The following CREB3L2 variants were observed in gnomAD, a reference collection of about 807,000 sequenced individuals.
CREB3L2 encodes cyclic AMP-responsive element-binding protein 3-like protein 2.
Under a neutral mutation model 57.2 loss-of-function variants are expected in CREB3L2, and 23 were observed. The ratio of observed to expected loss-of-function variants is 0.40; its 90% CI spans 0.29 to 0.57. The LOEUF is 0.57. CREB3L2 is among the 20% of genes least tolerant of loss of function. The pLI is 0.42. For missense variants in CREB3L2, 628 were observed against 634.7 expected (o/e 0.99, Z 0.11); for synonymous variants, 268 against 265.1 (o/e 1.01, Z -0.11).
intron 8 of CREB3L2, among the ~76,000 whole-genome samples, chr7:137,889,087 T>C (rs1406999131): frequency 6.6e-6 from 1 of 151,992 alleles, no homozygotes; most frequent in Non-Finnish European, 1.5e-5. Context: ...AGAGCATGAA[T>C]AGCTTTAAAA....
At chr7:137,950,641 G>A (rs181250034) in intron 1 of CREB3L2, among the ~76,000 whole-genome samples, 80 of 152,250 alleles carry the variant, frequency 5.3e-4, no homozygotes, top group African/African-American at 1.8e-3. Flanking sequence ...GTATGCATCC[G>A]AAGGTGAGCC....
At chr7:137,975,632 A>G (rs996569494) in intron 1 of CREB3L2, among the ~76,000 whole-genome samples, 1 of 152,180 alleles carries the variant, frequency 6.6e-6, no homozygotes, top group Non-Finnish European at 1.5e-5. Flanking sequence ...AGCACACGGC[A>G]TACTTCTCCT....
At chr7:137,941,551 G>A (rs1173320709) in intron 1 of CREB3L2, among the ~76,000 whole-genome samples, 1 of 152,204 alleles carries the variant, frequency 6.6e-6, no homozygotes, top group African/African-American at 2.4e-5. Context: ...TTTGAGGCCT[G>A]CTCAGGACAG....
At chr7:137,889,214 A>T (rs1295346151) in intron 8 of CREB3L2, among the ~76,000 whole-genome samples, 1 of 152,120 alleles carries the variant, frequency 6.6e-6, no homozygotes, top group Non-Finnish European at 1.5e-5. Context: ...TGCCTCCTGA[A>T]AACAGACTTT....
intron 1 of CREB3L2, among the ~76,000 whole-genome samples, chr7:137,986,868 C>G (rs1801800855): frequency 2.0e-5 from 3 of 152,244 alleles, no homozygotes; most frequent in Non-Finnish European, 1.5e-5. Flanking sequence ...AGCTACGTTT[C>G]TGCCCCTCTC....
At chr7:137,954,953 C>A (rs908433923) in intron 1 of CREB3L2, among the ~76,000 whole-genome samples, 1 of 152,154 alleles carries the variant, frequency 6.6e-6, no homozygotes, top group African/African-American at 2.4e-5. Flanking sequence ...AGAACCCAGA[C>A]CCAAGAAACC....
Position 137,971,449 on chromosome 7 carries a change from C to CAA in CREB3L2, c.102+30153_102+30154dup, listed in dbSNP as rs34602691. ...TGGGCATCAGAGCGAGACTCCGTCT[C>CAA]AAAAAAAAAAAAAAAATTTTGGATG... On this transcript the variant is annotated intron_variant, in intron 1 of 11. Coordinates refer to ENST00000330387, the MANE Select transcript of CREB3L2 (RefSeq NM_194071.4). 1.0e-3 allele frequency among the ~76,000 whole-genome samples: 137 copies of CAA among 135,984 alleles called. 1 individual carries two copies. The highest frequency in any genetic ancestry group is 8.4e-3 in the East Asian group (40 of 4,772). The allele number at this position is 135,984 out of a possible 152,430, so 89.2% of individuals were successfully genotyped here.
chr7:137,876,885 C>T lies in CREB3L2; in HGVS notation c.*3591G>A, dbSNP rs1799167651. On this transcript the variant is annotated 3_prime_UTR_variant, in exon 12 of 12. Coordinates refer to ENST00000330387, the MANE Select transcript of CREB3L2 (RefSeq NM_194071.4). ...TGTTGGCAAGGTTGGCATGAATGGG[C>T]CATTATTCAACTGGGGGTGGGATGT... The T allele has an allele frequency of 1.3e-5, 3 of 231,980 alleles. No individual in the cohort carries two copies. The highest frequency in any genetic ancestry group is 2.6e-5 in the Non-Finnish European group (3 of 117,360). 14.4% of individuals were successfully genotyped at this position (231,980 alleles called of 1,614,324 possible).
intron 1 of CREB3L2, among the ~76,000 whole-genome samples, chr7:137,944,794 T>C (rs935564082): frequency 3.9e-5 from 6 of 152,206 alleles, no homozygotes; most frequent in African/African-American, 7.2e-5. Context: ...TATATTTATA[T>C]ATGTTGTTAC....
rs1357693327 is a variant in CREB3L2, at chr7:137,972,724, T to A, written c.102+28880A>T. On this transcript the variant is annotated intron_variant, in intron 1 of 11. Transcript: ENST00000330387. ...AAAAAAAAAAAAAAATATATATATA[T>A]ATATATATATATAGAGAGAGAGAGA... Among the ~76,000 whole-genome samples, 30 of 22,414 alleles carry A rather than the reference T, an allele frequency of 1.3e-3. 1 individual carries two copies. Among genetic ancestry groups the A allele is most frequent in the African/African-American group, 4.0e-3 (12 of 3,032 alleles). 14.7% of individuals were successfully genotyped at this position (22,414 alleles called of 152,430 possible).
intron 2 of CREB3L2, among the ~76,000 whole-genome samples, chr7:137,927,143 A>G (rs1800484335): frequency 6.6e-6 from 1 of 151,940 alleles, no homozygotes; most frequent in African/African-American, 2.4e-5. Flanking sequence ...TGGATGACAG[A>G]GCAAGACCCT....
intron 11 of CREB3L2, 99 bp downstream of exon 11, chr7:137,882,312 AC>A: frequency 1.2e-6 from 1 of 860,712 alleles, no homozygotes; most frequent in Non-Finnish European, 1.9e-6. Flanking sequence ...GAGGGACTGA[AC>A]CAGGCCTATG....
intron 2 of CREB3L2, among the ~76,000 whole-genome samples, chr7:137,923,507 C>A (rs1563253915): frequency 6.6e-6 from 1 of 152,192 alleles, no homozygotes; most frequent in East Asian, 1.9e-4. Context: ...CTTTTCTCTT[C>A]TACCCCTGAG....
chr7:137,971,409 C>T (rs1453799951), intron 1 of CREB3L2, among the ~76,000 whole-genome samples: 1 of 149,530 alleles, frequency 6.7e-6, no homozygotes. Context: ...GAGATCGCGC[C>T]ATTGCACTCC....
At chr7:137,994,304 A>T (rs2117332104) in intron 1 of CREB3L2, among the ~76,000 whole-genome samples, 1 of 152,358 alleles carries the variant, frequency 6.6e-6, no homozygotes, top group Non-Finnish European at 1.5e-5. Context: ...ATGTGCCCTC[A>T]TCAATATTTG....
At chr7:137,955,251 T>C (rs1801184269) in intron 1 of CREB3L2, 3 of 1,287,864 alleles carry the variant, frequency 2.3e-6, no homozygotes, top group Non-Finnish European at 3.0e-6. Flanking sequence ...CCAACAGGTA[T>C]AGAAAAAGCA....
chr7:137,924,377 T>C (rs923311135), intron 2 of CREB3L2, among the ~76,000 whole-genome samples: 2 of 152,306 alleles, frequency 1.3e-5, no homozygotes, highest in African/African-American at 4.8e-5. Flanking sequence ...ACAGCCCTCA[T>C]CCAGCACTAG....
At chr7:137,966,999 C>T (rs1801418387) in intron 1 of CREB3L2, among the ~76,000 whole-genome samples, 1 of 152,088 alleles carries the variant, frequency 6.6e-6, no homozygotes, top group African/African-American at 2.4e-5. Context: ...GGTGGGGTTC[C>T]CATGATGGGA....
At chr7:137,953,567 A>C in intron 1 of CREB3L2, 5 of 1,219,330 alleles carry the variant, frequency 4.1e-6, no homozygotes, top group Non-Finnish European at 5.4e-6. Context: ...GTGGGTGATG[A>C]CGGTCTCAGA....
Sources: gnomAD v4.1 joint callset for allele counts (sites outside exome capture counted in the v4.1 genomes callset) on GRCh38, gnomAD v4.1.1 for gene constraint, MANE v1.5 for transcripts, NCBI Gene and HGNC (gene_info 2026-07-23, HGNC 2026-07-21) for gene names.